OMA1: variants seen among roughly 807,000 people sequenced by gnomAD.
OMA1 encodes the protein OMA1 zinc metallopeptidase.
In OMA1, 38 loss-of-function variants were observed where a neutral mutation model predicts 30.9. The ratio of observed to expected loss-of-function variants is 1.23; its 90% CI spans 0.95 to 1.61. The LOEUF is 1.61. Ranked by LOEUF, OMA1 falls within the 40% of genes most tolerant of loss-of-function variation. The pLI is 0.00. For synonymous variants in OMA1, 173 were observed against 121.9 expected (o/e 1.42, Z -2.76); for missense variants, 461 against 349.2 (o/e 1.32, Z -2.55).
chr1:58,523,871 C>T (rs1478138866), intron 7 of OMA1, among the ~76,000 whole-genome samples: 1 of 152,084 alleles, frequency 6.6e-6, no homozygotes, highest in African/African-American at 2.4e-5. Context: ...TGCACTCCAG[C>T]CTGGGTGACA....
chr1:58,524,805 G>A (rs1156360633), intron 7 of OMA1, among the ~76,000 whole-genome samples: 2 of 152,114 alleles, frequency 1.3e-5, no homozygotes, highest in African/African-American at 4.8e-5. Flanking sequence ...TACTCAAGGT[G>A]TTTACAGTAT....
In OMA1 at chr1:58,506,133, T is replaced by C. The variant is rs1423932052; in HGVS notation, c.1292A>G (p.Lys431Arg). ...EFVDSLHGQP[K>R]MPEWLSTHPS... The stretch of plus-strand genomic sequence containing the variant: ...GTGTGTAGATAACCATTCTGGCATC[T>C]TGGGTTGGCCATGCAGGCTATCAAC... Residue 431 changes from lysine (K) to arginine (R), a missense_variant, in exon 8 of 9, where the codon AAG (lysine) becomes AGG (arginine). Physicochemically the swap from Lys to Arg is conservative, Grantham distance 26. Transcript: ENST00000371226. The C allele has an allele frequency of 2.3e-6, 2 of 871,964 alleles. No homozygotes were observed. The highest frequency in any genetic ancestry group is 4.0e-6 in the Non-Finnish European group (2 of 501,082). The allele number at this position is 871,964 out of a possible 1,614,324, so 54.0% of individuals were successfully genotyped here.
rs1372420490 is a variant in OMA1, at chr1:58,505,914, A to C, written c.1365+146T>G. 7 of 521,962 alleles carry C rather than the reference A, an allele frequency of 1.3e-5. No homozygotes were observed. In the East Asian group the frequency reaches 2.1e-4, roughly 15 times the overall value. The allele number at this position is 521,962 out of a possible 1,614,324, so 32.3% of individuals were successfully genotyped here. On this transcript the variant is annotated intron_variant, in intron 8 of 8. Transcript: ENST00000371226. Reference sequence around the variant, plus strand: ...AAGCAGAATTTTGCTTTTCAGTCAAATTCTGTGACAACTGATAATCCATAA... The same window carrying C: ...AAGCAGAATTTTGCTTTTCAGTCAACTTCTGTGACAACTGATAATCCATAA...
At chr1:58,546,124 G>A (rs1300860836) in intron 1 of OMA1, among the ~76,000 whole-genome samples, 2 of 152,196 alleles carry the variant, frequency 1.3e-5, no homozygotes, top group Admixed American at 1.3e-4. Flanking sequence ...TTCTGTAGAC[G>A]AGTTTACGAG....
intron 8 of OMA1, among the ~76,000 whole-genome samples, chr1:58,499,012 A>G (rs1401052387): frequency 1.3e-5 from 2 of 152,174 alleles, no homozygotes; most frequent in African/African-American, 4.8e-5. Flanking sequence ...GTTTTCAAAC[A>G]AACCTATAAA....
intron 3 of OMA1, among the ~76,000 whole-genome samples, chr1:58,535,580 A>G (rs979757852): frequency 5.8e-5 from 8 of 138,706 alleles, no homozygotes; most frequent in Admixed American, 7.7e-5. Context: ...TGGGTGACAG[A>G]GCAAGTCTCT....
chr1:58,519,390 G>T (rs1037027986), intron 7 of OMA1, among the ~76,000 whole-genome samples: 9 of 152,156 alleles, frequency 5.9e-5, no homozygotes, highest in African/African-American at 2.2e-4. Context: ...ACACGTGAAT[G>T]ACCACAGAGG....
intron 8 of OMA1, among the ~76,000 whole-genome samples, chr1:58,498,091 A>G (rs1032991254): frequency 1.3e-5 from 2 of 152,168 alleles, no homozygotes. Context: ...CTTCTGAGAA[A>G]AACAGAGATG....
At chr1:58,513,728 C>T (rs781185897) in intron 7 of OMA1, among the ~76,000 whole-genome samples, 2 of 152,144 alleles carry the variant, frequency 1.3e-5, no homozygotes, top group Non-Finnish European at 2.9e-5. Context: ...ACATGCCAGG[C>T]ATTGTTTTAA....
chr1:58,518,223 G>GGGAAGAC (rs1646189929), intron 7 of OMA1, among the ~76,000 whole-genome samples: 1 of 2,774 alleles, frequency 3.6e-4, no homozygotes, highest in African/African-American at 1.5e-3. Context: ...AGAGGGGAGA[G>GGGAAGAC]GGGAGAGGGG....
intron 7 of OMA1, among the ~76,000 whole-genome samples, chr1:58,521,109 G>A (rs1237218410): frequency 6.6e-6 from 1 of 152,122 alleles, no homozygotes; most frequent in East Asian, 1.9e-4. Flanking sequence ...CAATCAGAGT[G>A]TAACTAAGCT....
chr1:58,514,676 C>A (rs1367395080), intron 7 of OMA1, among the ~76,000 whole-genome samples: 1 of 152,112 alleles, frequency 6.6e-6, no homozygotes, highest in East Asian at 1.9e-4. Flanking sequence ...AGGATTGTGG[C>A]AGGGGGAGCT....
At chr1:58,494,572 GA>G (rs1569888318) in intron 8 of OMA1, among the ~76,000 whole-genome samples, 1 of 151,956 alleles carries the variant, frequency 6.6e-6, no homozygotes, top group South Asian at 2.1e-4. Flanking sequence ...AAATTTACAA[GA>G]AAAAAACAAA....
At chr1:58,483,914 A>G (rs1361683378) in intron 8 of OMA1, among the ~76,000 whole-genome samples, 1 of 152,202 alleles carries the variant, frequency 6.6e-6, no homozygotes, top group Non-Finnish European at 1.5e-5. Flanking sequence ...CCTATGTTTA[A>G]GCACTGCACT....
intron 8 of OMA1, among the ~76,000 whole-genome samples, chr1:58,496,818 G>C (rs543792265): frequency 6.6e-6 from 1 of 152,262 alleles, no homozygotes; most frequent in South Asian, 2.1e-4. Flanking sequence ...TGGCTGGTCT[G>C]AGTTCTAAAT....
At chr1:58,532,321 TGATA>T (rs1358169949) in intron 5 of OMA1, among the ~76,000 whole-genome samples, 1 of 152,170 alleles carries the variant, frequency 6.6e-6, no homozygotes, top group African/African-American at 2.4e-5. Flanking sequence ...GTTCTTGCAC[TGATA>T]GAGATGACAA....
chr1:58,489,989 G>A lies in OMA1; in HGVS notation c.1366-8815C>T, dbSNP rs367613606. On this transcript the variant is annotated intron_variant, in intron 8 of 8. Coordinates refer to ENST00000371226, the MANE Select transcript of OMA1 (RefSeq NM_145243.5). Reference sequence around the variant, plus strand: ...AAGGTAGATAAAACCATAAAGATGGGGAAAAAACAGAGCAGAAAAACTGAA... The same window carrying A: ...AAGGTAGATAAAACCATAAAGATGGAGAAAAAACAGAGCAGAAAAACTGAA... 1.1e-4 allele frequency among the ~76,000 whole-genome samples: 17 copies of A among 152,218 alleles called. No homozygotes were observed. In the East Asian group the frequency reaches 3.1e-3, roughly 28 times the overall value.
chr1:58,541,412 T>C (rs1417758248), intron 1 of OMA1: 1 of 146,238 alleles, frequency 6.8e-6, no homozygotes, highest in Non-Finnish European at 1.5e-5. Context: ...TAATCCATAG[T>C]GACAGAGAGA....
chr1:58,508,824 C>T (rs765068699), intron 7 of OMA1, among the ~76,000 whole-genome samples: 8 of 152,034 alleles, frequency 5.3e-5, no homozygotes, highest in Non-Finnish European at 1.0e-4. Flanking sequence ...ACTCCAGAGC[C>T]CAGCTTCTCC....
Sources: gnomAD v4.1 joint callset for allele counts (sites outside exome capture counted in the v4.1 genomes callset) on GRCh38, gnomAD v4.1.1 for gene constraint, MANE v1.5 for transcripts, NCBI Gene and HGNC (gene_info 2026-07-23, HGNC 2026-07-21) for gene names.